Variants in CSNK1G1 observed in about 807,000 individuals in gnomAD.
CSNK1G1 encodes casein kinase 1 gamma 1.
A neutral mutation model predicts 59.6 loss-of-function variants in CSNK1G1; 22 were observed. That is an observed-to-expected ratio of 0.37 (90% CI 0.26 to 0.53). The LOEUF (loss-of-function observed/expected upper bound fraction) is 0.53, where lower values mean the gene tolerates loss of function less well. Ranked by LOEUF, CSNK1G1 falls within the 20% of genes least tolerant of loss-of-function variation. CSNK1G1 has a pLI of 0.89. For missense variants in CSNK1G1, 384 were observed against 519.5 expected, an observed-to-expected ratio of 0.74 and a Z score of 2.54; for synonymous variants, 179 against 177.1, an observed-to-expected ratio of 1.01 and a Z score of -0.08.
intron 1 of CSNK1G1, among the ~76,000 whole-genome samples, chr15:64,329,180 G>A (rs936533613): frequency 3.9e-5 from 6 of 152,034 alleles, no homozygotes; most frequent in African/African-American, 1.4e-4. Context: ...GGACCTAACA[G>A]ACATCTACAG....
intron 4 of CSNK1G1, among the ~76,000 whole-genome samples, chr15:64,245,498 G>A (rs546668711): frequency 9.2e-5 from 14 of 152,042 alleles, no homozygotes; most frequent in Admixed American, 3.3e-4. Flanking sequence ...AAACATGTGT[G>A]TACGTCCATG....
At chr15:64,173,662 G>C (rs1208018228) in intron 11 of CSNK1G1, among the ~76,000 whole-genome samples, 1 of 126,032 alleles carries the variant, frequency 7.9e-6, no homozygotes, top group Non-Finnish European at 1.6e-5. Context: ...TCACTCTGTC[G>C]CTCAGGCTGG....
intron 4 of CSNK1G1, among the ~76,000 whole-genome samples, chr15:64,229,902 ATTTTTTTTTTTTTTTTTTTTTTTTTTT>A (rs533868270): frequency 4.6e-5 from 2 of 43,808 alleles, no homozygotes; most frequent in African/African-American, 1.7e-4. Context: ...ATGTTTGTAA[ATTTTTTTTTTTTTTTTTTTTTTTTTTT>A]TTTTTTTTTT....
At chr15:64,335,754 T>C (rs1024995322) in intron 1 of CSNK1G1, 10 of 152,200 alleles carry the variant, frequency 6.6e-5, no homozygotes, top group African/African-American at 2.4e-4. Flanking sequence ...ATCAAGAAAA[T>C]ACTAGACTGT....
At chr15:64,281,895 T>C (rs1249818741) in intron 2 of CSNK1G1, among the ~76,000 whole-genome samples, 1 of 151,550 alleles carries the variant, frequency 6.6e-6, no homozygotes, top group Non-Finnish European at 1.5e-5. Context: ...TAAAAATGAT[T>C]GAGATGGCAA....
chr15:64,198,580 G>T (rs777569727), intron 10 of CSNK1G1, among the ~76,000 whole-genome samples: 1 of 152,068 alleles, frequency 6.6e-6, no homozygotes, highest in Non-Finnish European at 1.5e-5. Flanking sequence ...AAGGTTAGCT[G>T]TTCCTAAAGT....
chr15:64,332,645 G>A (rs1431653270), intron 1 of CSNK1G1, among the ~76,000 whole-genome samples: 1 of 145,840 alleles, frequency 6.9e-6, no homozygotes, highest in Non-Finnish European at 1.5e-5. Context: ...TGCAAAATGT[G>A]CACATGTACC....
intron 1 of CSNK1G1, among the ~76,000 whole-genome samples, chr15:64,345,979 C>T (rs889708123): frequency 7.9e-5 from 12 of 151,636 alleles, no homozygotes; most frequent in Admixed American, 6.6e-5. Context: ...TTAGTAGAAA[C>T]GGGGTTTCAC....
rs540888948 is a variant in CSNK1G1, at chr15:64,318,450, T to C, written c.-224-17727A>G. Among the ~76,000 whole-genome samples the C allele has an allele frequency of 3.9e-5, 6 of 152,246 alleles. No individual in the cohort carries two copies. The East Asian group carries it at 9.7e-4, about 24-fold the overall frequency. ...GAAGTTTTCTTTGCTAGTGATGCTT[T>C]GGTATTATTGTTTTTTGGTTAATTC... On this transcript the variant is annotated intron_variant, in intron 1 of 11. Transcript: ENST00000303052.
intron 10 of CSNK1G1, chr15:64,181,565 T>A: frequency 5.9e-6 from 5 of 849,394 alleles, no homozygotes; most frequent in East Asian, 2.8e-5. Flanking sequence ...TATGAGACTG[T>A]CTAGTATAAT....
chr15:64,308,573 T>C (rs1566942139), intron 1 of CSNK1G1, among the ~76,000 whole-genome samples: 1 of 152,170 alleles, frequency 6.6e-6, no homozygotes, highest in Non-Finnish European at 1.5e-5. Flanking sequence ...TCTAGCAGCC[T>C]CTTCCAGTCT....
At chr15:64,234,096 G>A (rs1018219350) in intron 4 of CSNK1G1, among the ~76,000 whole-genome samples, 5 of 152,012 alleles carry the variant, frequency 3.3e-5, no homozygotes, top group Admixed American at 2.0e-4. Flanking sequence ...TTCATATACT[G>A]ATCAGGTTCT....
At chr15:64,298,160 A>G (rs1348782790) in intron 2 of CSNK1G1, among the ~76,000 whole-genome samples, 1 of 152,230 alleles carries the variant, frequency 6.6e-6, no homozygotes, top group East Asian at 1.9e-4. Flanking sequence ...TATGCTTTTA[A>G]CTGAATGAAT....
chr15:64,280,360 G>A (rs529816342), intron 2 of CSNK1G1, among the ~76,000 whole-genome samples: 1 of 152,018 alleles, frequency 6.6e-6, no homozygotes, highest in African/African-American at 2.4e-5. Context: ...GGGCAAAATA[G>A]GTAGTCATTC....
At chr15:64,336,639 G>C (rs1032070394) in intron 1 of CSNK1G1, among the ~76,000 whole-genome samples, 7 of 151,958 alleles carry the variant, frequency 4.6e-5, no homozygotes, top group African/African-American at 9.7e-5. Context: ...GAAAATGTAA[G>C]AGATTCAAAA....
chr15:64,306,665 C>A (rs1228022277), intron 1 of CSNK1G1, among the ~76,000 whole-genome samples: 1 of 152,104 alleles, frequency 6.6e-6, no homozygotes, highest in Non-Finnish European at 1.5e-5. Context: ...TAAGTCCACA[C>A]AAAAACCACC....
At chr15:64,240,127 G>A (rs1232865285) in intron 4 of CSNK1G1, among the ~76,000 whole-genome samples, 1 of 152,170 alleles carries the variant, frequency 6.6e-6, no homozygotes, top group Non-Finnish European at 1.5e-5. Flanking sequence ...CCAGCTACGC[G>A]GGAGGCTGAG....
chr15:64,349,917 TAAAAA>T (rs767246116), intron 1 of CSNK1G1, among the ~76,000 whole-genome samples: 1 of 121,122 alleles, frequency 8.3e-6, no homozygotes, highest in Non-Finnish European at 1.8e-5. Context: ...CTCCAAAAAT[TAAAAA>T]AAAAAAAAAA....
intron 1 of CSNK1G1, among the ~76,000 whole-genome samples, chr15:64,347,172 G>A (rs1201690046): frequency 1.3e-5 from 2 of 152,120 alleles, no homozygotes; most frequent in Non-Finnish European, 2.9e-5. Flanking sequence ...TGAAACAACG[G>A]GAACTCTTGT....
Sources: gnomAD v4.1 joint callset for allele counts (sites outside exome capture counted in the v4.1 genomes callset) on GRCh38, gnomAD v4.1.1 for gene constraint, MANE v1.5 for transcripts, NCBI Gene and HGNC (gene_info 2026-07-23, HGNC 2026-07-21) for gene names.